The following NAV3 variants were observed in gnomAD, a reference collection of about 807,000 sequenced individuals.
NAV3 encodes the protein pore membrane and/or filament interacting like protein 1.
In NAV3, 87 loss-of-function variants were observed where a neutral mutation model predicts 244.7. The ratio of observed to expected loss-of-function variants is 0.36; its 90% CI spans 0.30 to 0.42. The LOEUF (loss-of-function observed/expected upper bound fraction) is 0.42. NAV3 is among the 20% of genes least tolerant of loss of function. The pLI, the probability that NAV3 is intolerant of heterozygous loss-of-function variation, is 1.00. For missense variants in NAV3, 2,663 were observed against 2,893.3 expected (o/e 0.92, Z 1.83); for synonymous variants, 1,126 against 1,042.2 (o/e 1.08, Z -1.55).
chr12:77,897,534 C>T (rs1884764540), intron 1 of NAV3, among the ~76,000 whole-genome samples: 1 of 152,100 alleles, frequency 6.6e-6, no homozygotes, highest in African/African-American at 2.4e-5. Context: ...CTTCTGTTGG[C>T]TTCAGTTTCA....
intron 5 of NAV3, among the ~76,000 whole-genome samples, chr12:77,975,465 G>C (rs915219910): frequency 3.3e-5 from 5 of 152,274 alleles, no homozygotes; most frequent in Middle Eastern, 3.4e-3. Context: ...ATCAGAAAAA[G>C]GCAAATCAGA....
At chr12:77,669,076 G>A (rs142053138) in intron 2 of NAV3, among the ~76,000 whole-genome samples, 2 of 152,154 alleles carry the variant, frequency 1.3e-5, no homozygotes, top group East Asian at 1.9e-4. Context: ...AAAAGATACC[G>A]TGTTTCCCAA....
At chr12:78,068,064 TAAC>T (rs1885238287) in intron 12 of NAV3, among the ~76,000 whole-genome samples, 1 of 151,976 alleles carries the variant, frequency 6.6e-6, no homozygotes, top group Non-Finnish European at 1.5e-5. Context: ...TTTGTTATAA[TAAC>T]AATAGCTATA....
chr12:77,898,625 AG>A (rs1231289746), intron 1 of NAV3, among the ~76,000 whole-genome samples: 1 of 152,242 alleles, frequency 6.6e-6, no homozygotes, highest in Non-Finnish European at 1.5e-5. Context: ...TCATGGGTTG[AG>A]GAACACAGAT....
At chr12:78,185,515 A>C in intron 30 of NAV3, 86 bp from the exon 31 acceptor site, 1 of 1,174,128 alleles carries the variant, frequency 8.5e-7, no homozygotes, top group Non-Finnish European at 1.2e-6. Flanking sequence ...GAAAGATATA[A>C]AACTATGAGG....
chr12:78,011,005 G>T (rs911163769), intron 8 of NAV3: 4 of 152,040 alleles, frequency 2.6e-5, no homozygotes, highest in African/African-American at 9.7e-5. Flanking sequence ...CATAGTTTCA[G>T]TAATTCAATT....
chr12:77,579,099 T>G (rs1007242053), intron 2 of NAV3, among the ~76,000 whole-genome samples: 1 of 152,196 alleles, frequency 6.6e-6, no homozygotes, highest in Non-Finnish European at 1.5e-5. Flanking sequence ...AGTATGTGTA[T>G]GAATGTCTCT....
intron 3 of NAV3, 140 bp downstream of exon 3, chr12:77,941,273 G>T (rs1889844232): frequency 5.0e-6 from 3 of 600,420 alleles, no homozygotes; most frequent in Non-Finnish European, 8.7e-6. Flanking sequence ...ATATGTATTT[G>T]TGTGGGTTCA....
chr12:77,630,898 A>G (rs532316227), intron 2 of NAV3, among the ~76,000 whole-genome samples: 1 of 152,358 alleles, frequency 6.6e-6, no homozygotes, highest in East Asian at 1.9e-4. Flanking sequence ...ACTATAGAGT[A>G]CAAGAGCAGA....
intron 2 of NAV3, among the ~76,000 whole-genome samples, chr12:77,788,423 G>T (rs1042312667): frequency 6.6e-5 from 10 of 152,060 alleles, no homozygotes; most frequent in Admixed American, 1.3e-4. Context: ...TCCTGTGATG[G>T]GCTCCCTTGT....
intron 2 of NAV3, among the ~76,000 whole-genome samples, chr12:77,622,391 C>CCT (rs962222264): frequency 6.6e-6 from 1 of 151,958 alleles, no homozygotes; most frequent in Non-Finnish European, 1.5e-5. Context: ...GATCTCCTGA[C>CCT]CTTGTGATCT....
chr12:77,591,807 A>G (rs868347257), intron 2 of NAV3, among the ~76,000 whole-genome samples: 6 of 152,188 alleles, frequency 3.9e-5, no homozygotes, highest in African/African-American at 1.4e-4. Flanking sequence ...GTATCTATCT[A>G]TATCCTAATG....
At chr12:78,164,744 A>G (rs940033919) in intron 23 of NAV3, among the ~76,000 whole-genome samples, 2 of 152,030 alleles carry the variant, frequency 1.3e-5, no homozygotes, top group African/African-American at 4.8e-5. Context: ...GGAAAGGAGG[A>G]CCTGTTTAAG....
chr12:77,900,545 C>A (rs1432574338), intron 1 of NAV3, among the ~76,000 whole-genome samples: 1 of 151,918 alleles, frequency 6.6e-6, no homozygotes, highest in African/African-American at 2.4e-5. Flanking sequence ...GCATAGTATT[C>A]CATGGCGTGT....
intron 12 of NAV3, among the ~76,000 whole-genome samples, chr12:78,110,519 C>A (rs1473793756): frequency 1.3e-5 from 2 of 151,944 alleles, no homozygotes; most frequent in Non-Finnish European, 2.9e-5. Context: ...GACTTAATCA[C>A]TATGCAATCT....
At chr12:77,586,847 C>T (rs1177967254) in intron 2 of NAV3, among the ~76,000 whole-genome samples, 9 of 152,096 alleles carry the variant, frequency 5.9e-5, no homozygotes, top group South Asian at 2.1e-4. Flanking sequence ...TTCATCCGTG[C>T]GGAAAGTTCA....
intron 1 of NAV3, among the ~76,000 whole-genome samples, chr12:77,914,358 G>A (rs1886918108): frequency 6.6e-6 from 1 of 152,054 alleles, no homozygotes; most frequent in African/African-American, 2.4e-5. Context: ...GTACCCAGAT[G>A]ATTTATACTG....
At chr12:78,202,994 T>G (rs537454726) in intron 38 of NAV3, among the ~76,000 whole-genome samples, 1 of 152,110 alleles carries the variant, frequency 6.6e-6, no homozygotes, top group African/African-American at 2.4e-5. Context: ...TATCTTCAGA[T>G]GAAGGCGGAT....
At chr12:78,126,420 T>C (rs1955907407) in intron 16 of NAV3, among the ~76,000 whole-genome samples, 1 of 152,198 alleles carries the variant, frequency 6.6e-6, no homozygotes. Flanking sequence ...ATCCCTAAAC[T>C]TGTCCCACTT....
Sources: allele counts gnomAD v4.1 joint callset (sites outside exome capture counted in the v4.1 genomes callset), GRCh38; gene constraint gnomAD v4.1.1; transcripts MANE v1.5; gene names NCBI Gene and HGNC (gene_info 2026-07-23, HGNC 2026-07-21).